Variants in GPR39 observed in about 807,000 individuals in gnomAD.
The protein encoded by GPR39 is zinc sensing receptor.
GPR39 carries 23 observed loss-of-function variants against 18.4 expected under a neutral mutation model. The ratio of observed to expected loss-of-function variants is 1.25; its 90% CI spans 0.90 to 1.77. GPR39 has a LOEUF of 1.77. Among genes scored for constraint, GPR39 ranks in the 40% most tolerant of loss-of-function variants. The pLI is 0.00. For synonymous variants in GPR39, 280 were observed against 257.9 expected, an observed-to-expected ratio of 1.09 and a Z score of -0.82; for missense variants, 647 against 602.4, an observed-to-expected ratio of 1.07 and a Z score of -0.78.
intron 1 of GPR39, among the ~76,000 whole-genome samples, chr2:132,582,410 G>T (rs1437173128): frequency 6.6e-6 from 1 of 152,212 alleles, no homozygotes; most frequent in Non-Finnish European, 1.5e-5. Context: ...TTTCAGGCAG[G>T]TTTTATTTAC....
chr2:132,417,705 G>C lies in GPR39; in HGVS notation c.663G>C (p.Gln221His). The change falls in exon 1 of 2, where the codon CAG becomes CAC. Residue 221 changes from glutamine to histidine, a missense_variant. Transcript: ENST00000329321. ...TNLSSRWTVF[Q>H]SSIFGAFVVY... Reference sequence around the variant, plus strand: ...TCTCCAGCCGCTGGACCGTGTTCCAGTCCAGCATCTTCGGCGCCTTCGTGG... The same window carrying C: ...TCTCCAGCCGCTGGACCGTGTTCCACTCCAGCATCTTCGGCGCCTTCGTGG... The C allele has an allele frequency of 6.2e-7, 1 of 1,614,202 alleles. No homozygotes were observed. Among genetic ancestry groups the C allele is most frequent in the South Asian group, 1.1e-5 (1 of 91,074 alleles).
intron 1 of GPR39, among the ~76,000 whole-genome samples, chr2:132,495,607 C>A (rs568040939): frequency 6.7e-4 from 102 of 152,270 alleles, no homozygotes; most frequent in Admixed American, 1.6e-3. Context: ...TTAAGGTGCA[C>A]AGAGCATCCC....
chr2:132,536,009 CAA>C (rs56929155), intron 1 of GPR39, among the ~76,000 whole-genome samples: 550 of 140,124 alleles, frequency 3.9e-3, no homozygotes, highest in African/African-American at 0.012. Flanking sequence ...TTAATTTTTT[CAA>C]AAAAAAAAAA....
intron 1 of GPR39, among the ~76,000 whole-genome samples, chr2:132,465,207 T>C (rs1026282648): frequency 5.3e-5 from 8 of 151,824 alleles, no homozygotes; most frequent in African/African-American, 1.9e-4. Flanking sequence ...AAGAAAGAAG[T>C]CCCTTTGTCC....
chr2:132,461,100 C>G (rs1231581347), intron 1 of GPR39, among the ~76,000 whole-genome samples: 4 of 152,294 alleles, frequency 2.6e-5, no homozygotes, highest in Non-Finnish European at 1.5e-5. Flanking sequence ...CATCTGGCTC[C>G]CTTGGTAATG....
At chr2:132,570,441 C>T (rs1333842021) in intron 1 of GPR39, among the ~76,000 whole-genome samples, 1 of 152,132 alleles carries the variant, frequency 6.6e-6, no homozygotes, top group East Asian at 1.9e-4. Context: ...ACTTCTAGTC[C>T]ATAATTCCAT....
chr2:132,479,554 G>A (rs1028465471), intron 1 of GPR39, among the ~76,000 whole-genome samples: 3 of 152,136 alleles, frequency 2.0e-5, no homozygotes, highest in African/African-American at 2.4e-5. Context: ...TTCAGTACAC[G>A]GCCTCTCAGC....
rs1679913438 is a variant in GPR39 at position 132,417,010 on chromosome 2, G to C, written c.-33G>C. ...GGGAGGAGAAAGGGAAGTTGAGAAA[G>C]TCTTTGGACCTGGTAGCCTGGTGCT... On this transcript the variant is annotated 5_prime_UTR_variant, in exon 1 of 2. Transcript: ENST00000329321. 2 of 1,600,710 alleles carry C rather than the reference G, an allele frequency of 1.2e-6. No homozygotes were observed. The highest frequency in any genetic ancestry group is 2.2e-5 in the East Asian group (1 of 44,714).
In GPR39 at chr2:132,645,207, G is replaced by C. The variant is rs369523811; in HGVS notation, c.963G>C (p.Ala321=). The C allele has an allele frequency of 2.2e-5, 35 of 1,614,160 alleles. 1 individual carries two copies. The East Asian group carries it at 2.2e-4, about 10-fold the overall frequency. ...ACTGGACGAGGTCCTACTTCCGGGC[G>C]TACATGATCCTCCTCCCCTTCTCGG... ...KHDWTRSYFR[A]YMILLPFSET... is the part of the protein sequence containing the mutation. The change falls in exon 2 of 2, where the codon GCG becomes GCC. Residue 321 remains alanine (A), a synonymous_variant. Transcript: ENST00000329321.
At chr2:132,630,350 G>A (rs1361890228) in intron 1 of GPR39, among the ~76,000 whole-genome samples, 2 of 152,170 alleles carry the variant, frequency 1.3e-5, no homozygotes, top group African/African-American at 4.8e-5. Context: ...CAGTTAACAA[G>A]GAGAGAAGAG....
intron 1 of GPR39, among the ~76,000 whole-genome samples, chr2:132,532,371 A>C (rs535905128): frequency 4.6e-5 from 7 of 152,170 alleles, no homozygotes; most frequent in African/African-American, 1.7e-4. Flanking sequence ...CAACCCAAAA[A>C]AAGTCCAGGA....
chr2:132,589,835 C>T (rs1680797478), intron 1 of GPR39, among the ~76,000 whole-genome samples: 2 of 152,180 alleles, frequency 1.3e-5, no homozygotes, highest in South Asian at 4.1e-4. Context: ...GGACCTGGGG[C>T]AGCTGGTTCT....
intron 1 of GPR39, among the ~76,000 whole-genome samples, chr2:132,573,327 A>G (rs1010397849): frequency 1.3e-5 from 2 of 152,060 alleles, no homozygotes; most frequent in East Asian, 1.9e-4. Flanking sequence ...AGATCCCCCA[A>G]TTCACTGCTT....
chr2:132,467,461 A>G (rs921444687), intron 1 of GPR39, among the ~76,000 whole-genome samples: 2 of 152,246 alleles, frequency 1.3e-5, no homozygotes, highest in African/African-American at 4.8e-5. Context: ...ATTGGGTACT[A>G]TGCTCAGTAT....
intron 1 of GPR39, among the ~76,000 whole-genome samples, chr2:132,570,966 C>T (rs1400169875): frequency 3.3e-5 from 5 of 152,184 alleles, no homozygotes; most frequent in African/African-American, 1.2e-4. Flanking sequence ...TGAATATTTA[C>T]GGCAGGCATC....
In GPR39 at chr2:132,645,254, C is replaced by T. The variant is rs377006153; in HGVS notation, c.1010C>T (p.Ser337Leu). The T allele has an allele frequency of 3.7e-6, 6 of 1,614,064 alleles. No individual in the cohort carries two copies. In the African/African-American group the frequency reaches 5.3e-5, roughly 14 times the overall value. Reference protein sequence around the residue: ...PFSETFFYLSSVINPLLYTVS... With the variant: ...PFSETFFYLSLVINPLLYTVS... ...TCGGAGACGTTTTTCTACCTCAGCT[C>T]GGTCATCAACCCGCTCCTGTACACG... The change falls in exon 2 of 2, where the codon TCG becomes TTG. Residue 337 changes from serine (S) to leucine (L), a missense_variant. Physicochemically the swap from Ser to Leu is moderately radical, Grantham distance 145. This residue lies in a region of GPR39 where 581 missense variants were observed against 506.8 expected (regional missense o/e 1.15). Transcript: ENST00000329321.
chr2:132,548,626 G>T (rs1679988076), intron 1 of GPR39, among the ~76,000 whole-genome samples: 1 of 152,196 alleles, frequency 6.6e-6, no homozygotes, highest in Admixed American at 6.5e-5. Context: ...CCACGTGGCA[G>T]CTCCTCAATT....
At position 132,417,171 on chromosome 2, in the gene GPR39, G is replaced by A; in HGVS notation, c.129G>A (p.Met43Ile). The A allele has an allele frequency of 1.9e-6, 3 of 1,614,146 alleles. No homozygotes were observed. Among genetic ancestry groups the A allele is most frequent in the Non-Finnish European group, 2.5e-6 (3 of 1,180,026 alleles). Residue 43 changes from methionine (M) to isoleucine (I), a missense_variant, in exon 1 of 2, where the codon ATG becomes ATA. Transcript: ENST00000329321. ...TGGTGTACCTGATCATCTTCGTGAT[G>A]GGCCTTCTGGGGAACAGCGCCACCA... The part of the protein sequence containing the change: ...LILVYLIIFV[M>I]GLLGNSATIR...
chr2:132,513,682 G>T (rs1248450848), intron 1 of GPR39, among the ~76,000 whole-genome samples: 3 of 152,332 alleles, frequency 2.0e-5, no homozygotes, highest in South Asian at 4.1e-4. Context: ...GTCTGTTCCA[G>T]CTTAAGAGTA....
Sources: allele counts gnomAD v4.1 joint callset (sites outside exome capture counted in the v4.1 genomes callset), GRCh38; gene constraint gnomAD v4.1.1; regional missense constraint gnomAD v4.1.1; transcripts MANE v1.5; gene names NCBI Gene and HGNC (gene_info 2026-07-23, HGNC 2026-07-21).